RCSD1: variants seen among roughly 807,000 people sequenced by gnomAD.
The protein encoded by RCSD1 is RCSD domain containing 1.
RCSD1 carries 26 observed loss-of-function variants against 42.5 expected under a neutral mutation model. The ratio of observed to expected loss-of-function variants is 0.61; its 90% CI spans 0.45 to 0.85. The LOEUF is 0.85. Among genes scored for constraint, RCSD1 ranks in the 40% least tolerant of loss-of-function variants. RCSD1 has a pLI of 0.00. For synonymous variants in RCSD1, 220 were observed against 212.2 expected, an observed-to-expected ratio of 1.04 and a Z score of -0.32; for missense variants, 571 against 528.3, an observed-to-expected ratio of 1.08 and a Z score of -0.79.
At chr1:167,650,885 C>T (rs1027873912) in intron 1 of RCSD1, among the ~76,000 whole-genome samples, 3 of 152,178 alleles carry the variant, frequency 2.0e-5, no homozygotes, top group Admixed American at 6.5e-5. Context: ...AGTTCGGTAG[C>T]GCTGCTGTAA....
intron 1 of RCSD1, among the ~76,000 whole-genome samples, chr1:167,637,095 G>A (rs1288355301): frequency 6.6e-6 from 1 of 152,166 alleles, no homozygotes; most frequent in Non-Finnish European, 1.5e-5. Flanking sequence ...GGCTCAGGGA[G>A]GGCTTCCTGC....
chr1:167,674,930 GGT>G (rs1209279239), intron 1 of RCSD1, among the ~76,000 whole-genome samples: 1 of 152,054 alleles, frequency 6.6e-6, no homozygotes, highest in Non-Finnish European at 1.5e-5. Context: ...TATCCAGCCG[GGT>G]GCGGTGGCTC....
intron 1 of RCSD1, among the ~76,000 whole-genome samples, chr1:167,637,203 C>A (rs1022322456): frequency 1.3e-5 from 2 of 152,062 alleles, no homozygotes; most frequent in Non-Finnish European, 2.9e-5. Flanking sequence ...GTGACAAGAG[C>A]AAAGCTACTG....
chr1:167,704,134 A>G (rs1307265822), intron 6 of RCSD1, among the ~76,000 whole-genome samples: 1 of 152,212 alleles, frequency 6.6e-6, no homozygotes, highest in African/African-American at 2.4e-5. Context: ...TGACTGTTGA[A>G]TAAATAGCTA....
At chr1:167,642,558 T>C (rs567249574) in intron 1 of RCSD1, among the ~76,000 whole-genome samples, 2 of 152,332 alleles carry the variant, frequency 1.3e-5, no homozygotes, top group South Asian at 2.1e-4. Context: ...ACATAAGCGT[T>C]AAGGGCATCT....
rs1191551877 is a variant in RCSD1, at chr1:167,708,161, G to T, written c.*3465G>T. 6.6e-6 allele frequency among the ~76,000 whole-genome samples: 1 copy of T among 152,116 alleles called. No homozygotes were observed. Among genetic ancestry groups the T allele is most frequent in the Non-Finnish European group, 1.5e-5 (1 of 68,032 alleles). On this transcript the variant is annotated 3_prime_UTR_variant, in exon 7 of 7. Transcript: ENST00000367854. ...ACAACCAAGCAGATGCAGAGACTGC[G>T]TGCCCTCTCCTGGAGCTAGGAGCTA...
chr1:167,683,035 C>G (rs7511792), intron 1 of RCSD1, among the ~76,000 whole-genome samples: 3 of 152,018 alleles, frequency 2.0e-5, no homozygotes, highest in Admixed American at 6.5e-5. Flanking sequence ...CTCTGTGTGT[C>G]TTGGTGACAA....
chr1:167,679,074 A>G (rs2102228039), intron 1 of RCSD1, among the ~76,000 whole-genome samples: 1 of 152,344 alleles, frequency 6.6e-6, no homozygotes, highest in African/African-American at 2.4e-5. Flanking sequence ...TTGTTCACTG[A>G]TGTATCTCAG....
At chr1:167,664,140 C>T (rs989215617) in intron 1 of RCSD1, 1 of 152,192 alleles carries the variant, frequency 6.6e-6, no homozygotes, top group Non-Finnish European at 1.5e-5. Flanking sequence ...ACAGTTAAGT[C>T]AATTGCCTAG....
chr1:167,690,069 C>A lies in RCSD1; in HGVS notation c.219C>A (p.Ser73Arg). The part of the protein sequence containing the change: ...NGEEKSPPNA[S>R]HPPKFKVKSS... ...CATAGAAATCACCACCCAATGCGAG[C>A]CACCCTCCTAAATTCAAGGTCAAGA... The change falls in exon 4 of 7, where the codon AGC (serine) becomes AGA (arginine). Residue 73 changes from serine to arginine, a missense_variant. By Grantham distance (110) the Ser-to-Arg change is moderately radical. Coordinates refer to ENST00000367854, the MANE Select transcript of RCSD1 (RefSeq NM_052862.4). The A allele has an allele frequency of 1.2e-6, 2 of 1,614,048 alleles. No individual in the cohort carries two copies. Among genetic ancestry groups the A allele is most frequent in the Non-Finnish European group, 1.7e-6 (2 of 1,180,004 alleles).
At chr1:167,646,481 C>A in intron 1 of RCSD1, among the ~76,000 whole-genome samples, 1 of 145,930 alleles carries the variant, frequency 6.9e-6, no homozygotes, top group African/African-American at 2.5e-5. Flanking sequence ...TAGAAAGACT[C>A]AATTTTGTGT....
chr1:167,644,394 G>T (rs1658079155), intron 1 of RCSD1, among the ~76,000 whole-genome samples: 1 of 152,118 alleles, frequency 6.6e-6, no homozygotes, highest in African/African-American at 2.4e-5. Flanking sequence ...CAGGAGAATT[G>T]CTTGAACCCA....
At chr1:167,654,775 C>T (rs113019946) in intron 1 of RCSD1, among the ~76,000 whole-genome samples, 3,212 of 152,122 alleles carry the variant, frequency 0.021, 108 homozygotes, top group African/African-American at 0.071. Context: ...TTCCCACAGT[C>T]GAGAGAGAGG....
intron 1 of RCSD1, among the ~76,000 whole-genome samples, chr1:167,650,872 A>T (rs189197054): frequency 6.6e-6 from 1 of 152,304 alleles, no homozygotes; most frequent in Admixed American, 6.5e-5. Flanking sequence ...CAATGCCTTT[A>T]TTAGTTCGGT....
In RCSD1 at chr1:167,630,394, C is replaced by A; in HGVS notation, c.-30C>A. On this transcript the variant is annotated 5_prime_UTR_variant, in exon 1 of 7. Coordinates refer to ENST00000367854, the MANE Select transcript of RCSD1 (RefSeq NM_052862.4). Reference sequence around the variant, plus strand: ...GAGCTCCGGCCCGGGCGAGCGGGTGCGTCTGCCGCAGAGTCGGCACCTGAA... The same window carrying A: ...GAGCTCCGGCCCGGGCGAGCGGGTGAGTCTGCCGCAGAGTCGGCACCTGAA... The A allele has an allele frequency of 6.6e-7, 1 of 1,510,846 alleles. No individual in the cohort carries two copies. The highest frequency in any genetic ancestry group is 8.9e-7 in the Non-Finnish European group (1 of 1,125,378). 93.6% of individuals were successfully genotyped at this position (1,510,846 alleles called of 1,614,324 possible).
chr1:167,636,244 A>G (rs1368155045), intron 1 of RCSD1, among the ~76,000 whole-genome samples: 6 of 152,208 alleles, frequency 3.9e-5, no homozygotes, highest in African/African-American at 7.2e-5. Flanking sequence ...CCAAATCCCA[A>G]TGAGTCCCTA....
intron 1 of RCSD1, among the ~76,000 whole-genome samples, chr1:167,666,789 C>T (rs1487387004): frequency 1.3e-5 from 2 of 152,264 alleles, no homozygotes; most frequent in Non-Finnish European, 2.9e-5. Flanking sequence ...CCTAATAGAA[C>T]AAGCTTGTCC....
intron 1 of RCSD1, among the ~76,000 whole-genome samples, chr1:167,660,481 T>G (rs1368311751): frequency 6.6e-6 from 1 of 151,966 alleles, no homozygotes; most frequent in East Asian, 1.9e-4. Flanking sequence ...TTTTGTTTTT[T>G]TTTTTTTAGA....
At chr1:167,633,067 A>T (rs10800321) in intron 1 of RCSD1, among the ~76,000 whole-genome samples, 6 of 152,022 alleles carry the variant, frequency 3.9e-5, no homozygotes, top group Non-Finnish European at 7.4e-5. Context: ...ACCAGACCAA[A>T]GAGGGTTACT....
Sources: gnomAD v4.1 joint callset for allele counts (sites outside exome capture counted in the v4.1 genomes callset) on GRCh38, gnomAD v4.1.1 for gene constraint, MANE v1.5 for transcripts, NCBI Gene and HGNC (gene_info 2026-07-23, HGNC 2026-07-21) for gene names.